The following NEDD9 variants were observed in gnomAD, a reference collection of about 807,000 sequenced individuals.
NEDD9 encodes the protein neural precursor cell expressed, developmentally down-regulated 9.
A neutral mutation model predicts 76.6 loss-of-function variants in NEDD9; 26 were observed. The observed-to-expected ratio is 0.34, with a 90% CI of 0.25 to 0.47. NEDD9 has a LOEUF of 0.47. Among genes scored for constraint, NEDD9 ranks in the 20% least tolerant of loss-of-function variants. The pLI, the probability that NEDD9 is intolerant of heterozygous loss-of-function variation, is 1.00. For missense variants in NEDD9, 937 were observed against 1,058.5 expected (o/e 0.89, Z 1.59); for synonymous variants, 392 against 414.2 (o/e 0.95, Z 0.65).
At chr6:11,206,728 A>T (rs1581955894) in intron 2 of NEDD9, among the ~76,000 whole-genome samples, 1 of 152,378 alleles carries the variant, frequency 6.6e-6, no homozygotes, top group South Asian at 2.1e-4. Flanking sequence ...CTGGCCAAAC[A>T]AAAAGGACCT....
intron 3 of NEDD9, among the ~76,000 whole-genome samples, chr6:11,275,979 T>C (rs980611241): frequency 6.6e-6 from 1 of 152,234 alleles, no homozygotes; most frequent in Non-Finnish European, 1.5e-5. Flanking sequence ...CTACTTTAGA[T>C]AATCACTACT....
intron 3 of NEDD9, among the ~76,000 whole-genome samples, chr6:11,294,323 T>C (rs1232756687): frequency 6.6e-6 from 1 of 152,200 alleles, no homozygotes; most frequent in Non-Finnish European, 1.5e-5. Flanking sequence ...TCATGTTGAA[T>C]TGTGATCTTC....
At chr6:11,313,948 A>C (rs1467845388) in intron 2 of NEDD9, among the ~76,000 whole-genome samples, 1 of 152,196 alleles carries the variant, frequency 6.6e-6, no homozygotes, top group African/African-American at 2.4e-5. Context: ...TTACAAGTTA[A>C]AACATATGGA....
chr6:11,357,942 G>A (rs1042824220), intron 1 of NEDD9, among the ~76,000 whole-genome samples: 1 of 152,158 alleles, frequency 6.6e-6, no homozygotes, highest in Non-Finnish European at 1.5e-5. Context: ...CGCCTCCAGA[G>A]GCAGCCATTC....
chr6:11,377,300 C>T (rs757322851), intron 1 of NEDD9, among the ~76,000 whole-genome samples: 1 of 152,226 alleles, frequency 6.6e-6, no homozygotes, highest in East Asian at 1.9e-4. Flanking sequence ...CAGCTTGCAC[C>T]CTTTAACTGG....
chr6:11,345,649 C>T (rs770168705), intron 1 of NEDD9, among the ~76,000 whole-genome samples: 8 of 152,242 alleles, frequency 5.3e-5, no homozygotes, highest in Non-Finnish European at 7.4e-5. Context: ...TCCTGTCTTC[C>T]GCCACCAAGT....
At chr6:11,277,441 A>G (rs570784889) in intron 3 of NEDD9, among the ~76,000 whole-genome samples, 1 of 152,190 alleles carries the variant, frequency 6.6e-6, no homozygotes, top group Non-Finnish European at 1.5e-5. Context: ...ATTCCAAAGC[A>G]TGTTACAAAT....
At chr6:11,236,897 C>G (rs999817851), upstream of NEDD9, among the ~76,000 whole-genome samples, 10 of 152,168 alleles carry the variant, frequency 6.6e-5, no homozygotes, top group African/African-American at 2.2e-4. This position sits in a 1 kb window ranked among gnomAD's most constrained non-coding sequence, Gnocchi z 5.5. Context: ...CCCACCCTTT[C>G]TTTCTCCCTC....
Position 11,191,118 on chromosome 6 carries a change from C to T in NEDD9, c.751G>A (p.Gly251Arg), listed in dbSNP as rs373048074. Residue 251 changes from glycine to arginine, a missense_variant, in exon 5 of 7, where the codon GGA (glycine) becomes AGA (arginine). Physicochemically the swap from Gly to Arg is moderately radical, Grantham distance 125 (BLOSUM62 -2). Coordinates refer to ENST00000379446, the MANE Select transcript of NEDD9 (RefSeq NM_006403.4). ...CCCTCCGGTCTGAGGTCCGGCCTTC[C>T]AGCTTGTCTCATGGGAGGGGGGAAG... Reference protein sequence around the residue: ...YDFPPPMRQAGRPDLRPEGVY... With the variant: ...YDFPPPMRQARRPDLRPEGVY... 2.5e-5 allele frequency: 40 copies of T among 1,613,864 alleles called. No individual in the cohort carries two copies. The highest frequency in any genetic ancestry group is 3.1e-5 in the Non-Finnish European group (37 of 1,180,012).
intron 1 of NEDD9, among the ~76,000 whole-genome samples, chr6:11,359,382 G>A (rs936027057): frequency 2.6e-5 from 4 of 152,264 alleles, no homozygotes; most frequent in Non-Finnish European, 4.4e-5. Flanking sequence ...CTCTGAGTAA[G>A]AGGATAGAGG....
intron 1 of NEDD9, among the ~76,000 whole-genome samples, chr6:11,346,489 G>A (rs1356192461): frequency 5.3e-5 from 6 of 113,228 alleles, no homozygotes; most frequent in Non-Finnish European, 1.2e-4. Context: ...CCCCCCCCCC[G>A]AGGTGAGTGG....
chr6:11,214,031 T>C (rs1161909467), intron 1 of NEDD9, among the ~76,000 whole-genome samples: 1 of 152,190 alleles, frequency 6.6e-6, no homozygotes, highest in African/African-American at 2.4e-5. Flanking sequence ...AGTTAGAGCA[T>C]GGTTCACTAT....
intron 3 of NEDD9, among the ~76,000 whole-genome samples, chr6:11,245,539 A>C (rs941492498): frequency 2.0e-5 from 3 of 152,200 alleles, no homozygotes; most frequent in Non-Finnish European, 4.4e-5. Context: ...GCACCTTGGG[A>C]GCTACAAAGA....
intron 3 of NEDD9, among the ~76,000 whole-genome samples, chr6:11,291,021 G>A (rs1257002733): frequency 6.6e-6 from 1 of 152,098 alleles, no homozygotes; most frequent in Non-Finnish European, 1.5e-5. Flanking sequence ...TTCACATGCT[G>A]GAAGTGAAAG....
chr6:11,337,071 A>G (rs1445730319), intron 1 of NEDD9, among the ~76,000 whole-genome samples: 4 of 152,120 alleles, frequency 2.6e-5, no homozygotes, highest in East Asian at 1.9e-4. Context: ...TACAAAAATT[A>G]TCTGGACGTG....
chr6:11,334,368 A>G (rs1416547467), intron 2 of NEDD9: 1 of 152,268 alleles, frequency 6.6e-6, no homozygotes, highest in Non-Finnish European at 1.5e-5. Flanking sequence ...CATCTGAAAA[A>G]TAACACAAAT....
chr6:11,314,607 G>A (rs918221636), intron 2 of NEDD9, among the ~76,000 whole-genome samples: 5 of 152,178 alleles, frequency 3.3e-5, no homozygotes, highest in Non-Finnish European at 7.3e-5. Flanking sequence ...CCTACACTGA[G>A]GCTTGTGGAC....
rs1581970052 is a variant in NEDD9, at chr6:11,227,251, TA to T, written c.12+5252del. On this transcript the variant is annotated intron_variant, in intron 1 of 6. Transcript: ENST00000379446. ...CAACCTAGTAACTGGGATTTTGACA[TA>T]ATTCTGTCACCAAGTCTTGAGTACA... Among the ~76,000 whole-genome samples, 4 of 152,332 alleles carry T rather than the reference TA, an allele frequency of 2.6e-5. No homozygotes were observed. In the East Asian group the frequency reaches 7.7e-4, roughly 29 times the overall value.
intron 1 of NEDD9, among the ~76,000 whole-genome samples, chr6:11,373,039 C>T (rs1285256913): frequency 1.1e-4 from 16 of 152,062 alleles, no homozygotes; most frequent in Admixed American, 1.0e-3. Context: ...AAACCAGTTA[C>T]TTAAAGCTAA....
Sources: gnomAD v4.1 joint callset for allele counts (sites outside exome capture counted in the v4.1 genomes callset) on GRCh38, gnomAD v4.1.1 for gene constraint, Gnocchi (gnomAD v3.1) non-coding constraint, MANE v1.5 for transcripts, NCBI Gene and HGNC (gene_info 2026-07-23, HGNC 2026-07-21) for gene names.